Variants in JARID2 observed in about 807,000 individuals in gnomAD.
JARID2 encodes protein Jumonji.
Under a neutral mutation model 125.6 loss-of-function variants are expected in JARID2, and 21 were observed. The observed-to-expected ratio is 0.17, with a 90% CI of 0.12 to 0.24. The LOEUF is 0.24. Among genes scored for constraint, JARID2 ranks in the 10% least tolerant of loss-of-function variants. JARID2 has a pLI of 1.00. For missense variants in JARID2, 1,303 were observed against 1,639.6 expected (o/e 0.79, Z 3.55); for synonymous variants, 736 against 661.6 (o/e 1.11, Z -1.73).
chr6:15,497,493 C>CA (rs1246837817), intron 7 of JARID2, among the ~76,000 whole-genome samples: 4 of 151,904 alleles, frequency 2.6e-5, no homozygotes, highest in Middle Eastern at 3.4e-3. Context: ...ACTAAAAATA[C>CA]AAAAAAATTA....
chr6:15,370,127 A>G (rs1255899626), intron 1 of JARID2, among the ~76,000 whole-genome samples: 1 of 152,196 alleles, frequency 6.6e-6, no homozygotes, highest in African/African-American at 2.4e-5. Context: ...AATTGATTCC[A>G]GAAGTATTTA....
Position 15,496,952 on chromosome 6 carries a change from C to T in JARID2, c.1727C>T (p.Ser576Leu), listed in dbSNP as rs774930815. The T allele has an allele frequency of 1.3e-5, 21 of 1,608,194 alleles. No homozygotes were observed. The highest frequency in any genetic ancestry group is 1.5e-5 in the Non-Finnish European group (18 of 1,175,742). ...EFHDPLIYIESVRAQVEKFGM... is the reference protein window; with the variant it reads ...EFHDPLIYIELVRAQVEKFGM... Reference sequence around the variant, plus strand: ...CACGATCCGCTCATCTACATCGAGTCGGTCCGCGCTCAGGTGGAGAAGTTC... The same window carrying T: ...CACGATCCGCTCATCTACATCGAGTTGGTCCGCGCTCAGGTGGAGAAGTTC... The change falls in exon 7 of 18, where the codon TCG becomes TTG. Residue 576 changes from serine (S) to leucine (L), a missense_variant. Ser to Leu is a moderately radical substitution (Grantham distance 145). Around this residue, in one of 11 missense-constraint regions of JARID2, gnomAD observed 651 missense variants for 581.6 expected, o/e 1.12. Coordinates refer to ENST00000341776, the MANE Select transcript of JARID2 (RefSeq NM_004973.4).
intron 12 of JARID2, chr6:15,509,090 A>C (rs1368280464): frequency 7.8e-7 from 1 of 1,288,798 alleles, no homozygotes; most frequent in Admixed American, 2.3e-5. Context: ...TTGCCTGGCG[A>C]GGTGTTCTGG....
intron 1 of JARID2, among the ~76,000 whole-genome samples, chr6:15,326,258 A>G (rs1274909340): frequency 6.6e-6 from 1 of 152,158 alleles, no homozygotes; most frequent in Non-Finnish European, 1.5e-5. Flanking sequence ...GGTGGAGTTC[A>G]GTGGTGGTGC....
chr6:15,438,803 C>T (rs962948268), intron 3 of JARID2, among the ~76,000 whole-genome samples: 4 of 152,060 alleles, frequency 2.6e-5, no homozygotes, highest in Admixed American at 6.6e-5. Context: ...CCAAAGCAGG[C>T]GGATTGCCTG....
chr6:15,259,510 C>CA (rs1759791424), intron 1 of JARID2, among the ~76,000 whole-genome samples: 1 of 152,194 alleles, frequency 6.6e-6, no homozygotes, highest in Non-Finnish European at 1.5e-5. Context: ...CACAATGCCA[C>CA]ATCTCCTTCT....
intron 2 of JARID2, among the ~76,000 whole-genome samples, chr6:15,382,093 T>C (rs1044527499): frequency 3.3e-5 from 5 of 152,076 alleles, no homozygotes; most frequent in African/African-American, 1.2e-4. Flanking sequence ...TGAAACCCCG[T>C]CTCCACTAAA....
chr6:15,392,832 C>T (rs1030816935), intron 2 of JARID2, among the ~76,000 whole-genome samples: 2 of 151,834 alleles, frequency 1.3e-5, no homozygotes, highest in African/African-American at 2.4e-5. Context: ...TTACAGGCGC[C>T]CACCATCATG....
chr6:15,508,483 G>A (rs763320494), intron 12 of JARID2, 29 bp downstream of exon 12: 12 of 1,193,782 alleles, frequency 1.0e-5, no homozygotes, highest in Non-Finnish European at 1.5e-5. Context: ...CGGGAAGGGA[G>A]GGACTGCAGA....
At chr6:15,406,098 G>A (rs533126517) in intron 2 of JARID2, among the ~76,000 whole-genome samples, 61 of 152,296 alleles carry the variant, frequency 4.0e-4, no homozygotes, top group African/African-American at 1.4e-3. Flanking sequence ...AGTTGATCAC[G>A]TGCAGAATAA....
At chr6:15,414,150 G>T (rs893041185) in intron 3 of JARID2, among the ~76,000 whole-genome samples, 1 of 152,134 alleles carries the variant, frequency 6.6e-6, no homozygotes, top group Admixed American at 6.5e-5. Flanking sequence ...GACTGAGAGG[G>T]ATTGTATGTG....
intron 2 of JARID2, among the ~76,000 whole-genome samples, chr6:15,398,852 T>A (rs1765314255): frequency 6.6e-6 from 1 of 152,120 alleles, no homozygotes; most frequent in Admixed American, 6.5e-5. Context: ...TAATCATACG[T>A]GATTCTGAAA....
intron 1 of JARID2, among the ~76,000 whole-genome samples, chr6:15,372,850 A>G (rs1268940926): frequency 6.6e-6 from 1 of 152,128 alleles, no homozygotes; most frequent in Non-Finnish European, 1.5e-5. Flanking sequence ...CTGGGATTAC[A>G]GTCGCGTGCC....
intron 7 of JARID2, among the ~76,000 whole-genome samples, chr6:15,500,374 G>A (rs1770674084): frequency 6.6e-6 from 1 of 152,206 alleles, no homozygotes; most frequent in African/African-American, 2.4e-5. Context: ...TGAGTGGGTG[G>A]ATGGGTGAAG....
At chr6:15,472,416 T>C (rs1053800544) in intron 5 of JARID2, among the ~76,000 whole-genome samples, 1 of 152,182 alleles carries the variant, frequency 6.6e-6, no homozygotes, top group African/African-American at 2.4e-5. Context: ...CTGAGACTTG[T>C]AGATAACCAA....
chr6:15,413,852 A>C (rs1368599614), intron 3 of JARID2, among the ~76,000 whole-genome samples: 1 of 152,184 alleles, frequency 6.6e-6, no homozygotes, highest in East Asian at 1.9e-4. Flanking sequence ...CTCATGATGT[A>C]ATCACTTCTT....
chr6:15,429,297 C>T (rs773078506), intron 3 of JARID2, among the ~76,000 whole-genome samples: 8 of 151,606 alleles, frequency 5.3e-5, no homozygotes, highest in Non-Finnish European at 7.4e-5. Flanking sequence ...TGTGGTCTCA[C>T]TCTGTCACCC....
intron 1 of JARID2, among the ~76,000 whole-genome samples, chr6:15,318,149 A>G (rs934879448): frequency 4.6e-5 from 7 of 152,156 alleles, no homozygotes; most frequent in Non-Finnish European, 5.9e-5. Context: ...GGCGGAGGTT[A>G]CAGTGAATCG....
chr6:15,262,593 C>T (rs1759925408), intron 1 of JARID2, among the ~76,000 whole-genome samples: 1 of 140,238 alleles, frequency 7.1e-6, no homozygotes, highest in East Asian at 2.2e-4. Flanking sequence ...AGTGCAGTGG[C>T]GCAATCTTGG....
Sources: gnomAD v4.1 joint callset for allele counts (sites outside exome capture counted in the v4.1 genomes callset) on GRCh38, gnomAD v4.1.1 for gene constraint, gnomAD v4.1.1 regional missense constraint, MANE v1.5 for transcripts, NCBI Gene and HGNC (gene_info 2026-07-23, HGNC 2026-07-21) for gene names.